MALRD1: variants seen among roughly 807,000 people sequenced by gnomAD.
MALRD1 encodes MAM and LDL-receptor class A domain-containing protein 1.
MALRD1 carries 247 observed loss-of-function variants against 242.1 expected under a neutral mutation model. That is an observed-to-expected ratio of 1.02 (90% CI 0.92 to 1.13). The LOEUF (loss-of-function observed/expected upper bound fraction) is 1.13. MALRD1 is among the 50% of genes most tolerant of loss of function. The pLI, the probability that MALRD1 is intolerant of heterozygous loss-of-function variation, is 0.00. For synonymous variants in MALRD1, 995 were observed against 866.6 expected (o/e 1.15, Z -2.60); for missense variants, 2,989 against 2,533.1 (o/e 1.18, Z -3.86).
At chr10:19,242,726 A>T (rs182658937) in intron 18 of MALRD1, among the ~76,000 whole-genome samples, 7 of 152,052 alleles carry the variant, frequency 4.6e-5, no homozygotes, top group Non-Finnish European at 1.0e-4. Flanking sequence ...GCCTTTTAAA[A>T]TATGACATGA....
At chr10:19,164,943 C>T (rs944470674) in intron 12 of MALRD1, among the ~76,000 whole-genome samples, 1 of 151,850 alleles carries the variant, frequency 6.6e-6, no homozygotes, top group Non-Finnish European at 1.5e-5. Flanking sequence ...TGAGCTTCCA[C>T]GTTATTTGTT....
chr10:19,661,299 G>A (rs1342299966), intron 36 of MALRD1, among the ~76,000 whole-genome samples: 2 of 152,106 alleles, frequency 1.3e-5, no homozygotes, highest in Non-Finnish European at 2.9e-5. Flanking sequence ...ATACCCAAAG[G>A]ATTATAAATC....
chr10:19,441,878 T>G (rs1404435811), intron 28 of MALRD1, among the ~76,000 whole-genome samples: 2 of 152,172 alleles, frequency 1.3e-5, no homozygotes, highest in Non-Finnish European at 2.9e-5. Flanking sequence ...AGAAAGTCAT[T>G]GGTAGCTTGG....
chr10:19,354,610 G>A (rs1254748100), intron 26 of MALRD1, among the ~76,000 whole-genome samples: 2 of 151,922 alleles, frequency 1.3e-5, no homozygotes, highest in Non-Finnish European at 2.9e-5. Flanking sequence ...GCATGTGAGT[G>A]AGAACACGTG....
rs1589263771 is a variant in MALRD1, at chr10:19,581,569, A to G, written c.5681-13625A>G. On this transcript the variant is annotated intron_variant, in intron 33 of 39. Transcript: ENST00000454679. Reference sequence around the variant, plus strand: ...TGAACTCATCATTTTTTATGGCTGCATAGTATTCCATGGTGTATATGTGCC... The same window carrying G: ...TGAACTCATCATTTTTTATGGCTGCGTAGTATTCCATGGTGTATATGTGCC... 4.0e-5 allele frequency among the ~76,000 whole-genome samples: 6 copies of G among 149,002 alleles called. 1 individual carries two copies. In the South Asian group the frequency reaches 1.3e-3, roughly 32 times the overall value.
intron 10 of MALRD1, among the ~76,000 whole-genome samples, chr10:19,136,991 A>G (rs186575784): frequency 8.1e-4 from 124 of 152,334 alleles, no homozygotes; most frequent in African/African-American, 2.8e-3. Flanking sequence ...AGTCTGCAAC[A>G]TCTCTCAATT....
intron 5 of MALRD1, among the ~76,000 whole-genome samples, chr10:19,115,233 C>T (rs1420314927): frequency 6.6e-6 from 1 of 152,140 alleles, no homozygotes; most frequent in East Asian, 1.9e-4. Context: ...ACCCACAATT[C>T]ACTCCTCTTC....
intron 19 of MALRD1, among the ~76,000 whole-genome samples, chr10:19,259,409 C>T (rs1297904183): frequency 6.6e-6 from 1 of 152,134 alleles, no homozygotes; most frequent in Admixed American, 6.6e-5. Context: ...AACTGACTCA[C>T]AGTTCTACAT....
chr10:19,211,981 C>T (rs1026661142), intron 18 of MALRD1, among the ~76,000 whole-genome samples: 2 of 152,092 alleles, frequency 1.3e-5, no homozygotes, highest in African/African-American at 4.8e-5. Context: ...TGTAAGTATA[C>T]AGGAACCAGT....
chr10:19,395,143 A>T (rs1467987610), intron 28 of MALRD1, among the ~76,000 whole-genome samples: 1 of 152,150 alleles, frequency 6.6e-6, no homozygotes, highest in Non-Finnish European at 1.5e-5. Flanking sequence ...TTGGCCAAAT[A>T]ATTGAAGAAA....
At chr10:19,381,913 A>G (rs1194093966) in intron 26 of MALRD1, among the ~76,000 whole-genome samples, 1 of 152,116 alleles carries the variant, frequency 6.6e-6, no homozygotes, top group African/African-American at 2.4e-5. Context: ...CAGGGAATAA[A>G]TGGTATTTCC....
chr10:19,352,278 G>A lies in MALRD1; in HGVS notation c.4422G>A (p.Leu1474=). 1 of 1,547,564 alleles carries A rather than the reference G, an allele frequency of 6.5e-7. No individual in the cohort carries two copies. The highest frequency in any genetic ancestry group is 8.7e-7 in the Non-Finnish European group (1 of 1,146,282). The change falls in exon 26 of 40, where the codon CTG becomes CTA. Residue 1474 remains leucine (L), a synonymous_variant. Transcript: ENST00000454679. ...TCCATGATTCCGTGCAAGAAGAACTGGCAGTGCCTCTTCCAACAGGTACAT... is the reference window on the plus strand; with the variant it reads ...TCCATGATTCCGTGCAAGAAGAACTAGCAGTGCCTCTTCCAACAGGTACAT... ...LSLHDSVQEE[L]AVPLPTGFCP...
At chr10:19,047,236 G>A (rs530645391), upstream of MALRD1, among the ~76,000 whole-genome samples, 66 of 152,220 alleles carry the variant, frequency 4.3e-4, no homozygotes, top group African/African-American at 1.6e-3. Flanking sequence ...TCCTTACTTG[G>A]GTAATTGGAC....
intron 26 of MALRD1, among the ~76,000 whole-genome samples, chr10:19,381,812 C>A (rs1341754085): frequency 6.6e-6 from 1 of 151,882 alleles, no homozygotes; most frequent in East Asian, 1.9e-4. Context: ...GCACTCCAGC[C>A]TGGGTGACAG....
chr10:19,283,933 G>C (rs913753357), intron 21 of MALRD1, among the ~76,000 whole-genome samples: 2 of 152,180 alleles, frequency 1.3e-5, no homozygotes, highest in African/African-American at 2.4e-5. Context: ...TCATTAGGGA[G>C]ACAGGCAGCA....
chr10:19,640,468 A>G (rs1329843360), intron 36 of MALRD1, among the ~76,000 whole-genome samples: 2 of 151,920 alleles, frequency 1.3e-5, no homozygotes, highest in Non-Finnish European at 2.9e-5. Context: ...CCTGGAAAAG[A>G]AGAGACAGGA....
At chr10:19,610,983 A>G (rs574964590) in intron 35 of MALRD1, among the ~76,000 whole-genome samples, 17 of 152,084 alleles carry the variant, frequency 1.1e-4, no homozygotes, top group African/African-American at 4.1e-4. Context: ...AAGAAAAGGA[A>G]GAGAAGAAGG....
At chr10:19,080,118 A>G (rs1047225113) in intron 2 of MALRD1, among the ~76,000 whole-genome samples, 2 of 152,034 alleles carry the variant, frequency 1.3e-5, no homozygotes, top group African/African-American at 2.4e-5. Context: ...GAAATCAGAG[A>G]AGACACAAAG....
At chr10:19,097,379 A>C (rs1350332360) in intron 4 of MALRD1, among the ~76,000 whole-genome samples, 1 of 152,190 alleles carries the variant, frequency 6.6e-6, no homozygotes, top group Non-Finnish European at 1.5e-5. Context: ...TCAAATCTGA[A>C]GTGTATGACT....
Sources: allele counts gnomAD v4.1 joint callset (sites outside exome capture counted in the v4.1 genomes callset), GRCh38; gene constraint gnomAD v4.1.1; transcripts MANE v1.5; gene names NCBI Gene and HGNC (gene_info 2026-07-23, HGNC 2026-07-21).